Variants in TENM3 observed in about 807,000 individuals in gnomAD.
TENM3 encodes the protein teneurin transmembrane protein 3.
Under a neutral mutation model 255.1 loss-of-function variants are expected in TENM3, and 63 were observed. The observed-to-expected ratio is 0.25, with a 90% CI of 0.20 to 0.30. The LOEUF (loss-of-function observed/expected upper bound fraction) is 0.30. TENM3 is among the 10% of genes least tolerant of loss of function. TENM3 has a pLI of 1.00. For missense variants in TENM3, 2,929 were observed against 3,461.1 expected (o/e 0.85, Z 3.86); for synonymous variants, 1,306 against 1,322.3 (o/e 0.99, Z 0.27).
At chr4:182,562,024 A>G (rs1163900551) in intron 3 of TENM3, among the ~76,000 whole-genome samples, 1 of 151,922 alleles carries the variant, frequency 6.6e-6, no homozygotes, top group Admixed American at 6.6e-5. Flanking sequence ...AGATAGATAG[A>G]TAGATAGATA....
At chr4:181,632,003 A>G in the TENM3 span, among the ~76,000 whole-genome samples, 15 of 152,294 alleles carry the variant, frequency 9.8e-5, no homozygotes, top group Middle Eastern at 3.4e-3. Flanking sequence ...AGATAAACCT[A>G]TTGCTACTAC....
chr4:181,611,718 A>T, the TENM3 span, among the ~76,000 whole-genome samples: 8 of 152,248 alleles, frequency 5.3e-5, no homozygotes, highest in African/African-American at 1.9e-4. Flanking sequence ...TTAAAATGCA[A>T]ATAAAATGCT....
chr4:181,902,155 G>A, the TENM3 span, among the ~76,000 whole-genome samples: 2 of 147,230 alleles, frequency 1.4e-5, no homozygotes, highest in Non-Finnish European at 3.0e-5. Context: ...ATACAATTTG[G>A]AGATAGGTAT....
the TENM3 span, among the ~76,000 whole-genome samples, chr4:182,075,647 A>G: frequency 6.6e-6 from 1 of 152,178 alleles, no homozygotes; most frequent in East Asian, 1.9e-4. Context: ...CCATATCATC[A>G]GACTCAGAAT....
chr4:181,463,747 T>C, the TENM3 span, among the ~76,000 whole-genome samples: 26 of 152,150 alleles, frequency 1.7e-4, no homozygotes, highest in Admixed American at 6.6e-5. Context: ...CATATCTAAT[T>C]TTAAAACATT....
the TENM3 span, among the ~76,000 whole-genome samples, chr4:181,500,304 C>T: frequency 6.7e-6 from 1 of 149,458 alleles, no homozygotes; most frequent in Non-Finnish European, 1.5e-5. Flanking sequence ...GCTGGGATTA[C>T]AGGTGTGAGC....
At chr4:182,428,166 C>G (rs1771369901) in intron 3 of TENM3, among the ~76,000 whole-genome samples, 1 of 152,142 alleles carries the variant, frequency 6.6e-6, no homozygotes, top group South Asian at 2.1e-4. Context: ...CTAATGGATA[C>G]TGCATTAGGT....
chr4:181,941,437 G>A, the TENM3 span, among the ~76,000 whole-genome samples: 2 of 151,774 alleles, frequency 1.3e-5, no homozygotes, highest in African/African-American at 4.8e-5. Context: ...CCTGTTGCCT[G>A]ATCTGCTATT....
intron 4 of TENM3, among the ~76,000 whole-genome samples, chr4:182,605,043 GA>G (rs1748273666): frequency 1.3e-5 from 2 of 152,166 alleles, no homozygotes; most frequent in South Asian, 4.1e-4. Context: ...TGGTTGTAGG[GA>G]AGGTAAAAAC....
the TENM3 span, among the ~76,000 whole-genome samples, chr4:182,117,048 G>A: frequency 6.6e-6 from 1 of 152,120 alleles, no homozygotes; most frequent in Non-Finnish European, 1.5e-5. Context: ...ATATAATGTT[G>A]AATATCTTTT....
intron 2 of TENM3, among the ~76,000 whole-genome samples, chr4:182,335,217 G>T (rs933294095): frequency 1.3e-5 from 2 of 151,068 alleles, no homozygotes; most frequent in Non-Finnish European, 2.9e-5. Flanking sequence ...AAGACAAAGC[G>T]GCCGGGCGCG....
chr4:181,816,440 G>GC, the TENM3 span, among the ~76,000 whole-genome samples: 1 of 152,180 alleles, frequency 6.6e-6, no homozygotes, highest in Non-Finnish European at 1.5e-5. Context: ...GGCTCCCTGA[G>GC]CCCAGTTTTC....
chr4:182,597,858 T>C (rs1442638525), intron 3 of TENM3, among the ~76,000 whole-genome samples: 1 of 152,162 alleles, frequency 6.6e-6, no homozygotes, highest in South Asian at 2.1e-4. Flanking sequence ...CGGATTTTGC[T>C]CCTGTTTGTG....
intron 3 of TENM3, among the ~76,000 whole-genome samples, chr4:182,501,715 C>A (rs528309445): frequency 3.3e-5 from 5 of 152,134 alleles, no homozygotes; most frequent in African/African-American, 9.7e-5. Context: ...CATCTTGTAA[C>A]ATGAGGACCC....
intron 22 of TENM3, among the ~76,000 whole-genome samples, chr4:182,764,777 A>G (rs180806151): frequency 2.6e-5 from 4 of 152,308 alleles, no homozygotes; most frequent in Non-Finnish European, 4.4e-5. Context: ...GAAGAGCTGG[A>G]CTGCGTGGAT....
intron 5 of TENM3, among the ~76,000 whole-genome samples, chr4:182,642,836 A>G (rs904496995): frequency 6.6e-6 from 1 of 152,232 alleles, no homozygotes; most frequent in Non-Finnish European, 1.5e-5. Context: ...ATTAATATGA[A>G]AGCTTTCAAA....
intron 3 of TENM3, among the ~76,000 whole-genome samples, chr4:182,401,381 T>C (rs2151029493): frequency 6.6e-6 from 1 of 152,224 alleles, no homozygotes; most frequent in East Asian, 1.9e-4. Flanking sequence ...ATGAAATACA[T>C]TACATTTAGT....
the TENM3 span, among the ~76,000 whole-genome samples, chr4:181,940,110 G>T: frequency 6.6e-6 from 1 of 152,090 alleles, no homozygotes; most frequent in South Asian, 2.1e-4. Context: ...AAAAATAACA[G>T]TGATAATAAT....
At chr4:182,707,497 G>A (rs1312072136) in intron 12 of TENM3, among the ~76,000 whole-genome samples, 1 of 152,052 alleles carries the variant, frequency 6.6e-6, no homozygotes, top group Non-Finnish European at 1.5e-5. Context: ...TACAAAGGAG[G>A]AAATATGGCA....
Sources: allele counts gnomAD v4.1 joint callset (sites outside exome capture counted in the v4.1 genomes callset), GRCh38; gene constraint gnomAD v4.1.1; transcripts MANE v1.5; gene names NCBI Gene and HGNC (gene_info 2026-07-23, HGNC 2026-07-21).